Variants in ROBO2 observed in about 807,000 individuals in gnomAD.
ROBO2 encodes roundabout homolog 2.
In ROBO2, 53 loss-of-function variants were observed where a neutral mutation model predicts 160.8. The observed-to-expected ratio is 0.33, with a 90% CI of 0.26 to 0.41. The LOEUF (loss-of-function observed/expected upper bound fraction) is 0.41, where lower values mean the gene tolerates loss of function less well. Among genes scored for constraint, ROBO2 ranks in the 10% least tolerant of loss-of-function variants. The pLI is 1.00. For missense variants in ROBO2, 1,577 were observed against 1,722.4 expected, an observed-to-expected ratio of 0.92 and a Z score of 1.49; for synonymous variants, 664 against 611.7, an observed-to-expected ratio of 1.09 and a Z score of -1.26.
At chr3:75,959,203 A>C (rs1165289736) in intron 2 of ROBO2, among the ~76,000 whole-genome samples, 1 of 151,726 alleles carries the variant, frequency 6.6e-6, no homozygotes, top group East Asian at 1.9e-4. Context: ...TATTTTTGCC[A>C]AACTAACCAT....
intron 2 of ROBO2, among the ~76,000 whole-genome samples, chr3:77,311,496 A>G (rs1342987243): frequency 6.6e-6 from 1 of 152,236 alleles, no homozygotes; most frequent in Non-Finnish European, 1.5e-5. Flanking sequence ...TCATATCATC[A>G]TGATCTTTGG....
intron 2 of ROBO2, among the ~76,000 whole-genome samples, chr3:76,217,831 A>C (rs1432416312): frequency 3.3e-5 from 5 of 152,220 alleles, no homozygotes; most frequent in Non-Finnish European, 7.3e-5. Flanking sequence ...CATCATCCTG[A>C]TGCCAAAGCC....
At chr3:75,984,540 T>C (rs1247527391) in intron 2 of ROBO2, among the ~76,000 whole-genome samples, 1 of 151,494 alleles carries the variant, frequency 6.6e-6, no homozygotes, top group African/African-American at 2.4e-5. Context: ...ATTTGTAGCA[T>C]AAATTTAAAT....
intron 2 of ROBO2, among the ~76,000 whole-genome samples, chr3:77,389,648 C>G (rs1581575584): frequency 6.6e-6 from 1 of 151,554 alleles, no homozygotes; most frequent in African/African-American, 2.4e-5. Flanking sequence ...TTCTTCTTCC[C>G]TTTTTCCTTC....
chr3:76,885,504 G>A (rs1435454055), intron 2 of ROBO2, among the ~76,000 whole-genome samples: 1 of 152,168 alleles, frequency 6.6e-6, no homozygotes, highest in African/African-American at 2.4e-5. Context: ...TAATGATAGA[G>A]TTAATAAGCA....
intron 2 of ROBO2, among the ~76,000 whole-genome samples, chr3:76,248,251 C>A (rs62268391): frequency 0.12 from 18,387 of 151,362 alleles, 1,754 homozygotes; most frequent in East Asian, 0.41. Context: ...CAAATGTCCA[C>A]CAATGATAGA....
intron 2 of ROBO2, among the ~76,000 whole-genome samples, chr3:76,383,933 A>T (rs183337065): frequency 2.4e-4 from 36 of 152,336 alleles, no homozygotes; most frequent in Admixed American, 1.5e-3. Context: ...GGAGTGGTTT[A>T]AACTTAGACT....
intron 1 of ROBO2, among the ~76,000 whole-genome samples, chr3:75,907,451 C>T (rs1946395650): frequency 6.6e-6 from 1 of 152,080 alleles, no homozygotes. Context: ...GGGGAAAACC[C>T]TCAGAGTAAC....
At chr3:76,948,711 A>C (rs1357586077) in intron 2 of ROBO2, among the ~76,000 whole-genome samples, 1 of 140,066 alleles carries the variant, frequency 7.1e-6, no homozygotes, top group Non-Finnish European at 1.5e-5. Flanking sequence ...ATTATAATTT[A>C]ATTTTTTTTT....
chr3:76,054,416 T>A (rs561557387), intron 2 of ROBO2, among the ~76,000 whole-genome samples: 141 of 152,336 alleles, frequency 9.3e-4, no homozygotes, highest in African/African-American at 1.9e-3. Context: ...AGAGTGAGTT[T>A]AGACAGAAAT....
At chr3:76,315,629 G>T (rs1052883472) in intron 2 of ROBO2, among the ~76,000 whole-genome samples, 3 of 152,132 alleles carry the variant, frequency 2.0e-5, no homozygotes, top group African/African-American at 7.2e-5. Flanking sequence ...AAATTATTAA[G>T]TATTTGATGG....
At chr3:76,973,549 C>G (rs2149292773) in intron 2 of ROBO2, among the ~76,000 whole-genome samples, 1 of 151,774 alleles carries the variant, frequency 6.6e-6, no homozygotes, top group South Asian at 2.1e-4. Flanking sequence ...AAGAAAAATC[C>G]AACATCTTAT....
chr3:76,081,801 C>T (rs1245533250), intron 2 of ROBO2, among the ~76,000 whole-genome samples: 1 of 151,510 alleles, frequency 6.6e-6, no homozygotes, highest in African/African-American at 2.4e-5. Flanking sequence ...TCCCTTTGCC[C>T]TTTATATGGA....
intron 2 of ROBO2, among the ~76,000 whole-genome samples, chr3:76,966,872 T>A (rs188950320): frequency 6.6e-6 from 1 of 152,220 alleles, no homozygotes; most frequent in Admixed American, 6.5e-5. Flanking sequence ...AGCAGAAAAA[T>A]TTCATCTACA....
At chr3:77,463,114 A>G (rs1000274908) in intron 2 of ROBO2, among the ~76,000 whole-genome samples, 1 of 152,180 alleles carries the variant, frequency 6.6e-6, no homozygotes, top group East Asian at 1.9e-4. Context: ...TTGTACTCCT[A>G]AAGTGTGCTA....
chr3:76,263,767 C>T lies in ROBO2; in HGVS notation c.109+326165C>T, dbSNP rs1412588317. On this transcript the variant is annotated intron_variant, in intron 2 of 26. Transcript: ENST00000487694. ...TCATTCTACTGTAAAGATACATGCA[C>T]GTGTATGTTTATTGCAGCACTATTT... Among the ~76,000 whole-genome samples, 4 of 152,108 alleles carry T rather than the reference C, an allele frequency of 2.6e-5. No individual in the cohort carries two copies. In the East Asian group the frequency reaches 7.7e-4, roughly 29 times the overall value.
intron 2 of ROBO2, among the ~76,000 whole-genome samples, chr3:76,597,328 A>AG (rs1284191950): frequency 6.6e-6 from 1 of 152,090 alleles, no homozygotes; most frequent in Non-Finnish European, 1.5e-5. Flanking sequence ...GAAAAGCCAA[A>AG]GCTTGAGAGA....
At position 76,203,620 on chromosome 3, in the gene ROBO2, T is replaced by A. The variant is rs1267909383; in HGVS notation, c.109+266018T>A. Among the ~76,000 whole-genome samples, 36 of 143,562 alleles carry A rather than the reference T, an allele frequency of 2.5e-4. No homozygotes were observed. The East Asian group carries it at 4.8e-3, about 19-fold the overall frequency. 94.2% of individuals were successfully genotyped at this position (143,562 alleles called of 152,430 possible). A position where few individuals can be genotyped will look rare whatever the true frequency, so the allele number is the denominator to read the frequency against. ...CCGTCAAGAGATCACAGGTCACGGT[T>A]CTAGTAACCTGTGTGAGATTGCCTC... On this transcript the variant is annotated intron_variant, in intron 2 of 26. Transcript: ENST00000487694.
chr3:77,604,496 G>A (rs555958337), intron 20 of ROBO2, among the ~76,000 whole-genome samples: 1 of 152,168 alleles, frequency 6.6e-6, no homozygotes, highest in East Asian at 1.9e-4. Context: ...GTAACTGTAA[G>A]CAGAACACAA....
Sources: gnomAD v4.1 joint callset for allele counts (sites outside exome capture counted in the v4.1 genomes callset) on GRCh38, gnomAD v4.1.1 for gene constraint, MANE v1.5 for transcripts, NCBI Gene and HGNC (gene_info 2026-07-23, HGNC 2026-07-21) for gene names.